PCDHA12: variants seen among roughly 807,000 people sequenced by gnomAD.
PCDHA12 encodes protocadherin alpha 12, also known as protocadherin alpha-12.
PCDHA12 carries 44 observed loss-of-function variants against 60.0 expected under a neutral mutation model. The ratio of observed to expected loss-of-function variants is 0.73; its 90% CI spans 0.58 to 0.94. The LOEUF is 0.94. PCDHA12 is among the 40% of genes least tolerant of loss of function. The pLI is 0.00. For synonymous variants in PCDHA12, 569 were observed against 553.0 expected, an observed-to-expected ratio of 1.03 and a Z score of -0.40; for missense variants, 1,276 against 1,239.7, an observed-to-expected ratio of 1.03 and a Z score of -0.44.
intron 1 of PCDHA12, chr5:140,969,571 G>A: frequency 9.5e-7 from 1 of 1,050,970 alleles, no homozygotes; most frequent in Non-Finnish European, 1.3e-6. Context: ...AATTGTTTGA[G>A]AAGTGAGGAT....
At chr5:140,889,946 C>T (rs1554184112) in intron 1 of PCDHA12, among the ~76,000 whole-genome samples, 1 of 152,114 alleles carries the variant, frequency 6.6e-6, no homozygotes, top group East Asian at 1.9e-4. Flanking sequence ...TGTGAGAAGC[C>T]AAATGGATAG....
chr5:140,927,459 A>G (rs2084222098), intron 1 of PCDHA12: 1 of 1,614,018 alleles, frequency 6.2e-7, no homozygotes, highest in Non-Finnish European at 8.5e-7. Flanking sequence ...TGTTGGAGAA[A>G]GCACTGGATC....
At chr5:140,990,778 T>C (rs2097414170) in intron 3 of PCDHA12, among the ~76,000 whole-genome samples, 1 of 152,208 alleles carries the variant, frequency 6.6e-6, no homozygotes, top group South Asian at 2.1e-4. Flanking sequence ...GGCTCTGTGT[T>C]GGACGATGAA....
intron 3 of PCDHA12, among the ~76,000 whole-genome samples, chr5:141,000,383 CTCTCTCTCTCTCTATA>C (rs1346959358): frequency 3.2e-5 from 2 of 63,198 alleles, no homozygotes; most frequent in African/African-American, 1.4e-4. Context: ...CTCTCTCTCT[CTCTCTCTCTCTCTATA>C]TATATATATA....
intron 3 of PCDHA12, among the ~76,000 whole-genome samples, chr5:140,998,021 C>T (rs2097794085): frequency 6.6e-6 from 1 of 152,152 alleles, no homozygotes; most frequent in Non-Finnish European, 1.5e-5. Context: ...CCACCTCGAG[C>T]TAGTGCTATA....
At chr5:140,956,719 T>C (rs2095305109) in intron 1 of PCDHA12, among the ~76,000 whole-genome samples, 1 of 152,216 alleles carries the variant, frequency 6.6e-6, no homozygotes, top group Non-Finnish European at 1.5e-5. Context: ...TCAGAAGAAT[T>C]GGTACCAGCT....
chr5:140,927,907 G>T, intron 1 of PCDHA12: 1 of 1,614,156 alleles, frequency 6.2e-7, no homozygotes, highest in Non-Finnish European at 8.5e-7. Context: ...TCATGCCCCC[G>T]AACTGGACTT....
intron 1 of PCDHA12, among the ~76,000 whole-genome samples, chr5:140,953,756 G>C (rs2094932328): frequency 6.6e-6 from 1 of 152,208 alleles, no homozygotes; most frequent in South Asian, 2.1e-4. Context: ...ATTTATCCAA[G>C]AATTAAATTT....
In PCDHA12 at chr5:140,876,309, T is replaced by G. The variant is rs868927753; in HGVS notation, c.837T>G (p.Tyr279Ter). Residue 279 changes from tyrosine to a stop codon, truncating the protein, a stop_gained, in exon 1 of 4, where the codon TAT becomes TAG. Transcript: ENST00000398631. LOFTEE classifies it high-confidence loss of function. ...PDEGLNGEIS[Y>*]GIKMILPVSE... ...AAGGACTTAATGGAGAAATTTCCTATGGGATCAAAATGATTTTGCCAGTGA... is the reference window on the plus strand; with the variant it reads ...AAGGACTTAATGGAGAAATTTCCTAGGGGATCAAAATGATTTTGCCAGTGA... The G allele has an allele frequency of 6.2e-6, 10 of 1,614,064 alleles. No homozygotes were observed. The Admixed American group carries it at 1.7e-4, about 27-fold the overall frequency.
At chr5:140,984,398 A>T (rs1377930175) in intron 3 of PCDHA12, among the ~76,000 whole-genome samples, 1 of 152,142 alleles carries the variant, frequency 6.6e-6, no homozygotes, top group Non-Finnish European at 1.5e-5. Flanking sequence ...AAATGTTGAG[A>T]ACCTATCTTT....
At chr5:140,983,293 A>C (rs2097040232) in intron 3 of PCDHA12, among the ~76,000 whole-genome samples, 1 of 152,240 alleles carries the variant, frequency 6.6e-6, no homozygotes, top group African/African-American at 2.4e-5. Context: ...AAAATTGCTT[A>C]AACTCACATT....
intron 1 of PCDHA12, among the ~76,000 whole-genome samples, chr5:140,878,400 A>G (rs1190004888): frequency 6.6e-6 from 1 of 152,218 alleles, no homozygotes; most frequent in Non-Finnish European, 1.5e-5. Flanking sequence ...TGCTCACAAA[A>G]TATCTTCTTT....
At chr5:141,007,522 C>T (rs1475001472) in intron 3 of PCDHA12, among the ~76,000 whole-genome samples, 1 of 151,940 alleles carries the variant, frequency 6.6e-6, no homozygotes, top group Non-Finnish European at 1.5e-5. Context: ...GAGCTGATAT[C>T]TCGCCACTGC....
chr5:141,010,193 T>C lies in PCDHA12; in HGVS notation c.*256T>C, dbSNP rs782116962. Reference sequence around the variant, plus strand: ...CCTAAAAAGCAGACCCAAGTTTCCTTTCTCCTCCGCCGCAAAGGAGAGGCT... The same window carrying C: ...CCTAAAAAGCAGACCCAAGTTTCCTCTCTCCTCCGCCGCAAAGGAGAGGCT... On this transcript the variant is annotated 3_prime_UTR_variant, in exon 4 of 4. Transcript: ENST00000398631. 7.7e-6 allele frequency: 12 copies of C among 1,552,398 alleles called. No individual in the cohort carries two copies. The South Asian group carries it at 1.3e-4, about 17-fold the overall frequency.
chr5:140,898,913 G>T (rs1554188302), intron 1 of PCDHA12, among the ~76,000 whole-genome samples: 1 of 152,066 alleles, frequency 6.6e-6, no homozygotes, highest in Non-Finnish European at 1.5e-5. Context: ...CACGTCCCTT[G>T]TAAGTTGGAT....
chr5:140,895,413 C>T (rs141941836), intron 1 of PCDHA12, among the ~76,000 whole-genome samples: 52 of 152,240 alleles, frequency 3.4e-4, no homozygotes, highest in African/African-American at 1.0e-3. Flanking sequence ...GCCCCATAAC[C>T]TTCTTTTGCT....
At chr5:140,993,830 A>G (rs536970854) in intron 3 of PCDHA12, among the ~76,000 whole-genome samples, 44 of 152,326 alleles carry the variant, frequency 2.9e-4, no homozygotes, top group Non-Finnish European at 5.0e-4. Context: ...GCTATACCAT[A>G]TAGCCTAGGT....
chr5:140,979,147 C>A (rs2096836802), intron 2 of PCDHA12, 140 bp downstream of exon 2: 2 of 1,442,248 alleles, frequency 1.4e-6, no homozygotes, highest in African/African-American at 2.9e-5. Flanking sequence ...ATTATTTTGT[C>A]CCCATGTTTA....
chr5:140,882,990 A>C, intron 1 of PCDHA12: 1 of 1,614,130 alleles, frequency 6.2e-7, no homozygotes, highest in East Asian at 2.2e-5. Context: ...AACGCCCCGG[A>C]ATTTTACCAA....
Sources: allele counts gnomAD v4.1 joint callset (sites outside exome capture counted in the v4.1 genomes callset), GRCh38; gene constraint gnomAD v4.1.1; transcripts MANE v1.5; gene names NCBI Gene and HGNC (gene_info 2026-07-23, HGNC 2026-07-21).